SLC39A12: variants seen among roughly 807,000 people sequenced by gnomAD.
SLC39A12 encodes the protein solute carrier family 39 member 12.
A neutral mutation model predicts 71.1 loss-of-function variants in SLC39A12; 63 were observed. The ratio of observed to expected loss-of-function variants is 0.89; its 90% CI spans 0.72 to 1.09. The LOEUF is 1.09. Ranked by LOEUF, SLC39A12 falls within the 50% of genes least tolerant of loss-of-function variation. SLC39A12 has a pLI of 0.00. For synonymous variants in SLC39A12, 351 were observed against 301.3 expected, an observed-to-expected ratio of 1.16 and a Z score of -1.71; for missense variants, 892 against 812.6, an observed-to-expected ratio of 1.10 and a Z score of -1.19.
intron 4 of SLC39A12, among the ~76,000 whole-genome samples, chr10:17,970,804 G>T (rs114675666): frequency 0.013 from 2,022 of 151,636 alleles, 41 homozygotes; most frequent in African/African-American, 0.042. Flanking sequence ...TCTATCTCTT[G>T]TCTGATTGCT....
chr10:17,956,923 C>T (rs545691023), intron 2 of SLC39A12, among the ~76,000 whole-genome samples: 6 of 152,258 alleles, frequency 3.9e-5, no homozygotes, highest in Non-Finnish European at 7.3e-5. Flanking sequence ...TACCTGCCAT[C>T]GGCAACATCC....
At chr10:17,977,878 C>G (rs756056226) in intron 4 of SLC39A12, 24 bp from the exon 5 acceptor site, 3 of 1,548,072 alleles carry the variant, frequency 1.9e-6, no homozygotes, top group South Asian at 2.6e-5. Context: ...CTATGTGACA[C>G]CAGATTTTAT....
chr10:18,015,053 A>T (rs990619642), intron 12 of SLC39A12, among the ~76,000 whole-genome samples: 1 of 152,204 alleles, frequency 6.6e-6, no homozygotes, highest in African/African-American at 2.4e-5. Flanking sequence ...TTGGATTTGT[A>T]AAGGCCAAAC....
chr10:17,953,246 A>G lies in SLC39A12; in HGVS notation c.-31A>G. 1 of 1,608,496 alleles carries G rather than the reference A, an allele frequency of 6.2e-7. No individual in the cohort carries two copies. Among genetic ancestry groups the G allele is most frequent in the Non-Finnish European group, 8.5e-7 (1 of 1,176,924 alleles). On this transcript the variant is annotated 5_prime_UTR_variant, in exon 2 of 13. Transcript: ENST00000377369. ...AACGGCAACACACTCACCTCCATCCAAGACAGACTCAAGGTGGAGGAAGCG... is the reference window on the plus strand; with the variant it reads ...AACGGCAACACACTCACCTCCATCCGAGACAGACTCAAGGTGGAGGAAGCG...
intron 12 of SLC39A12, among the ~76,000 whole-genome samples, chr10:18,035,120 T>C (rs1397444887): frequency 6.8e-6 from 1 of 146,490 alleles, no homozygotes; most frequent in Admixed American, 6.8e-5. Flanking sequence ...CTGACAATTA[T>C]GTGTCTTGGA....
intron 4 of SLC39A12, among the ~76,000 whole-genome samples, chr10:17,972,535 A>G (rs1419936803): frequency 7.2e-5 from 11 of 152,118 alleles, no homozygotes; most frequent in Non-Finnish European, 1.6e-4. Flanking sequence ...GTGCATATAT[A>G]TTTAAAATTA....
At chr10:17,959,155 C>G (rs868944759) in intron 2 of SLC39A12, among the ~76,000 whole-genome samples, 8 of 151,850 alleles carry the variant, frequency 5.3e-5, no homozygotes, top group Admixed American at 4.6e-4. Context: ...TTTCATTACA[C>G]TTTTATTTCA....
At chr10:17,960,599 G>A (rs1173991263) in intron 2 of SLC39A12, among the ~76,000 whole-genome samples, 3 of 152,180 alleles carry the variant, frequency 2.0e-5, no homozygotes, top group African/African-American at 4.8e-5. Context: ...GCTGTTAGTG[G>A]ACCACAGGTT....
At chr10:17,972,197 C>A (rs943071507) in intron 4 of SLC39A12, among the ~76,000 whole-genome samples, 2 of 152,104 alleles carry the variant, frequency 1.3e-5, no homozygotes, top group African/African-American at 4.8e-5. Flanking sequence ...AGAGAAGATG[C>A]TTGATGTTAT....
intron 8 of SLC39A12, among the ~76,000 whole-genome samples, chr10:17,991,661 A>T (rs1034256861): frequency 6.7e-6 from 1 of 149,420 alleles, no homozygotes; most frequent in African/African-American, 2.4e-5. Flanking sequence ...GAAAACTCAC[A>T]AAATCACATG....
chr10:17,961,526 G>C, intron 2 of SLC39A12, 55 bp from the exon 3 acceptor site: 5 of 1,526,518 alleles, frequency 3.3e-6, no homozygotes, highest in Non-Finnish European at 4.4e-6. Flanking sequence ...TAGTGTTCTG[G>C]AACTATTTTG....
chr10:17,967,700 G>A (rs1306863502), intron 4 of SLC39A12, among the ~76,000 whole-genome samples: 1 of 151,696 alleles, frequency 6.6e-6, no homozygotes, highest in African/African-American at 2.4e-5. Flanking sequence ...TGGCTAACAC[G>A]GTGAAACCCA....
At chr10:17,981,504 C>T in intron 6 of SLC39A12, 21 bp downstream of exon 6, 1 of 1,589,424 alleles carries the variant, frequency 6.3e-7, no homozygotes, top group Non-Finnish European at 8.6e-7. Flanking sequence ...GATCTTCCTT[C>T]AGAAAGCTGA....
intron 12 of SLC39A12, among the ~76,000 whole-genome samples, chr10:18,011,241 C>T (rs545861468): frequency 2.0e-5 from 3 of 152,090 alleles, no homozygotes; most frequent in African/African-American, 7.2e-5. Flanking sequence ...AAACATGTGC[C>T]CCCATGCCCG....
intron 12 of SLC39A12, among the ~76,000 whole-genome samples, chr10:18,007,920 C>T (rs1263116321): frequency 6.6e-6 from 1 of 152,214 alleles, no homozygotes. Context: ...TCTGGGAATG[C>T]AGCCCAGTAG....
intron 10 of SLC39A12, among the ~76,000 whole-genome samples, chr10:17,997,250 T>C (rs1298676762): frequency 6.6e-6 from 1 of 152,186 alleles, no homozygotes; most frequent in Non-Finnish European, 1.5e-5. Context: ...TGGTCTTTAT[T>C]CTTAGCTTGG....
Position 18,040,226 on chromosome 10 carries a change from A to T in SLC39A12, c.1948-2479A>T, listed in dbSNP as rs566168841. Among the ~76,000 whole-genome samples, 7 of 152,306 alleles carry T rather than the reference A, an allele frequency of 4.6e-5. No homozygotes were observed. The South Asian group carries it at 1.5e-3, about 32-fold the overall frequency. On this transcript the variant is annotated intron_variant, in intron 12 of 12. Transcript: ENST00000377369. ...TTTGAATTTATAATTGATGAATCAG[A>T]TAAGATTTTTCTAAAGTATAACATG...
chr10:18,007,937 G>C (rs1055751724), intron 12 of SLC39A12, among the ~76,000 whole-genome samples: 3 of 152,182 alleles, frequency 2.0e-5, no homozygotes, highest in Non-Finnish European at 4.4e-5. Flanking sequence ...GTAGGCCTCA[G>C]CCTCATTTTA....
At chr10:18,017,686 C>G (rs945566643) in intron 12 of SLC39A12, among the ~76,000 whole-genome samples, 2 of 152,172 alleles carry the variant, frequency 1.3e-5, no homozygotes, top group African/African-American at 4.8e-5. Flanking sequence ...TATCAAAGAT[C>G]AGCTCACTGT....
Sources: gnomAD v4.1 joint callset for allele counts (sites outside exome capture counted in the v4.1 genomes callset) on GRCh38, gnomAD v4.1.1 for gene constraint, MANE v1.5 for transcripts, NCBI Gene and HGNC (gene_info 2026-07-23, HGNC 2026-07-21) for gene names.